The following PARP8 variants were observed in gnomAD, a reference collection of about 807,000 sequenced individuals.
PARP8 encodes the protein poly(ADP-ribose) polymerase family member 8.
In PARP8, 51 loss-of-function variants were observed where a neutral mutation model predicts 124.1. The observed-to-expected ratio is 0.41, with a 90% CI of 0.33 to 0.52. The LOEUF is 0.52. Ranked by LOEUF, PARP8 falls within the 20% of genes least tolerant of loss-of-function variation. The probability of loss-of-function intolerance (pLI) is 0.21; values close to 1 mark genes in which losing one functional copy is unlikely to be tolerated. For missense variants in PARP8, 860 were observed against 1,018.9 expected (o/e 0.84, Z 2.12); for synonymous variants, 391 against 361.5 (o/e 1.08, Z -0.93).
At chr5:50,832,207 A>C (rs1230369673) in intron 22 of PARP8, among the ~76,000 whole-genome samples, 1 of 152,168 alleles carries the variant, frequency 6.6e-6, no homozygotes, top group Non-Finnish European at 1.5e-5. Flanking sequence ...TGTAGATACA[A>C]ATCTACCTAT....
intron 3 of PARP8, among the ~76,000 whole-genome samples, chr5:50,758,132 C>A (rs1239415733): frequency 6.6e-6 from 1 of 152,032 alleles, no homozygotes; most frequent in Non-Finnish European, 1.5e-5. Flanking sequence ...AGGTTACTGG[C>A]AGAAGAGACT....
At chr5:50,744,089 G>GT (rs1305571566) in intron 2 of PARP8, among the ~76,000 whole-genome samples, 2 of 152,214 alleles carry the variant, frequency 1.3e-5, no homozygotes, top group Non-Finnish European at 2.9e-5. Context: ...ACAGATGGCA[G>GT]TTATGGGCCC....
chr5:50,751,780 T>C (rs905248879), intron 3 of PARP8, among the ~76,000 whole-genome samples: 4 of 152,172 alleles, frequency 2.6e-5, no homozygotes, highest in African/African-American at 9.6e-5. Context: ...CAGTTCTGAT[T>C]CCCGTTGCCT....
chr5:50,826,949 G>A (rs891875275), intron 19 of PARP8, 146 bp downstream of exon 19: 3 of 1,214,634 alleles, frequency 2.5e-6, no homozygotes, highest in African/African-American at 1.6e-5. Context: ...GTTTGAAATA[G>A]CCATTGCTCA....
chr5:50,841,875 C>A, intron 25 of PARP8, 91 bp from the exon 26 acceptor site: 3 of 837,320 alleles, frequency 3.6e-6, no homozygotes, highest in Non-Finnish European at 5.5e-6. Context: ...TTCTCTTGGG[C>A]TATATTTTAG....
At chr5:50,817,668 A>T (rs1180460186) in intron 15 of PARP8, among the ~76,000 whole-genome samples, 17 of 152,264 alleles carry the variant, frequency 1.1e-4, no homozygotes, top group East Asian at 3.9e-4. Flanking sequence ...GATTTTTTTT[A>T]AATTACTATT....
At chr5:50,751,527 C>A (rs757388154) in intron 3 of PARP8, among the ~76,000 whole-genome samples, 13 of 152,026 alleles carry the variant, frequency 8.6e-5, no homozygotes, top group Admixed American at 2.6e-4. Flanking sequence ...GTTTAAATAC[C>A]GGGGCAGAAT....
chr5:50,809,355 G>A (rs57196044), intron 14 of PARP8, among the ~76,000 whole-genome samples: 3,630 of 152,042 alleles, frequency 0.024, 142 homozygotes, highest in African/African-American at 0.083. Flanking sequence ...TTTTTAAATA[G>A]GAATTTATAT....
intron 14 of PARP8, 42 bp downstream of exon 14, chr5:50,797,275 T>C: frequency 7.7e-7 from 1 of 1,298,398 alleles, no homozygotes; most frequent in Non-Finnish European, 1.1e-6. Context: ...GTTTAGAATA[T>C]AGAAATATAG....
At chr5:50,824,317 C>T (rs1160353601) in intron 17 of PARP8, among the ~76,000 whole-genome samples, 1 of 152,144 alleles carries the variant, frequency 6.6e-6, no homozygotes, top group African/African-American at 2.4e-5. Flanking sequence ...GGTGGCAAGA[C>T]AGATTTATTC....
At chr5:50,720,414 C>T (rs1472641484) in intron 2 of PARP8, among the ~76,000 whole-genome samples, 3 of 151,980 alleles carry the variant, frequency 2.0e-5, no homozygotes, top group Admixed American at 2.0e-4. Flanking sequence ...GGTCTGATCA[C>T]TCTATTCAGC....
intron 2 of PARP8, 110 bp from the exon 3 acceptor site, chr5:50,750,041 T>C: frequency 2.4e-6 from 2 of 834,784 alleles, no homozygotes; most frequent in Non-Finnish European, 1.9e-6. Flanking sequence ...CTGTTTATAC[T>C]TACATCTTTA....
chr5:50,801,387 C>T (rs1046405124), intron 14 of PARP8, among the ~76,000 whole-genome samples: 3 of 152,138 alleles, frequency 2.0e-5, no homozygotes, highest in African/African-American at 7.2e-5. Context: ...GCGTGAGCCA[C>T]CATGCTAGGC....
chr5:50,686,877 C>A (rs2149453544), intron 2 of PARP8, among the ~76,000 whole-genome samples: 1 of 152,194 alleles, frequency 6.6e-6, no homozygotes, highest in South Asian at 2.1e-4. Flanking sequence ...GCATGGAGAC[C>A]CTGGGCCTAG....
intron 2 of PARP8, among the ~76,000 whole-genome samples, chr5:50,700,730 G>T (rs1753506671): frequency 6.6e-6 from 1 of 152,040 alleles, no homozygotes; most frequent in Non-Finnish European, 1.5e-5. Context: ...TATTTGTGTT[G>T]GGGCATAATT....
chr5:50,832,844 A>G lies in PARP8; in HGVS notation c.2297A>G (p.Asn766Ser), dbSNP rs1448817483. Reference protein sequence around the residue: ...DEPASSSKSSNTSQSQKKGQQ... With the variant: ...DEPASSSKSSSTSQSQKKGQQ... ...CCAGCTTCAAGCAGTAAAAGCAGCA[A>G]TACATCACAGGTGTTGTAGTGACTT... is the stretch of plus-strand genomic sequence containing the variant. The change falls in exon 23 of 26, where the codon AAT (asparagine) becomes AGT (serine). Residue 766 changes from asparagine to serine, a missense_variant. Around this residue, in one of 2 missense-constraint regions of PARP8, gnomAD observed 343 missense variants for 474.7 expected, o/e 0.72. Coordinates refer to ENST00000281631, the MANE Select transcript of PARP8 (RefSeq NM_024615.4). 2 of 1,613,260 alleles carry G rather than the reference A, an allele frequency of 1.2e-6. No individual in the cohort carries two copies. Among genetic ancestry groups the G allele is most frequent in the Non-Finnish European group, 8.5e-7 (1 of 1,179,506 alleles).
intron 14 of PARP8, among the ~76,000 whole-genome samples, chr5:50,804,508 A>G (rs1455669438): frequency 6.6e-6 from 1 of 152,214 alleles, no homozygotes; most frequent in African/African-American, 2.4e-5. Flanking sequence ...TAACTTTGCC[A>G]TGAAATCTGT....
intron 10 of PARP8, among the ~76,000 whole-genome samples, chr5:50,793,227 A>G (rs1001795307): frequency 1.2e-4 from 19 of 152,232 alleles, no homozygotes; most frequent in Admixed American, 1.3e-4. Flanking sequence ...TCCCAAAGCA[A>G]TGTGTTAGAA....
chr5:50,713,413 G>C (rs1435040196), intron 2 of PARP8, among the ~76,000 whole-genome samples: 2 of 151,762 alleles, frequency 1.3e-5, no homozygotes, highest in Non-Finnish European at 2.9e-5. Flanking sequence ...GCTAATTTTG[G>C]TATTTTTTGT....
Sources: allele counts gnomAD v4.1 joint callset (sites outside exome capture counted in the v4.1 genomes callset), GRCh38; gene constraint gnomAD v4.1.1; regional missense constraint gnomAD v4.1.1; transcripts MANE v1.5; gene names NCBI Gene and HGNC (gene_info 2026-07-23, HGNC 2026-07-21).